The following MAN2A1 variants were observed in gnomAD, a reference collection of about 807,000 sequenced individuals.
MAN2A1 encodes the protein mannosidase alpha class 2A member 1.
In MAN2A1, 76 loss-of-function variants were observed where a neutral mutation model predicts 142.6. The ratio of observed to expected loss-of-function variants is 0.53; its 90% CI spans 0.44 to 0.65. MAN2A1 has a LOEUF of 0.65. Among genes scored for constraint, MAN2A1 ranks in the 30% least tolerant of loss-of-function variants. MAN2A1 has a pLI of 0.00. For missense variants in MAN2A1, 1,311 were observed against 1,365.1 expected (o/e 0.96, Z 0.62); for synonymous variants, 559 against 473.2 (o/e 1.18, Z -2.35).
chr5:109,777,487 T>C (rs1753326805), intron 8 of MAN2A1, among the ~76,000 whole-genome samples: 2 of 152,230 alleles, frequency 1.3e-5, no homozygotes, highest in South Asian at 4.1e-4. Flanking sequence ...ATAAAAGTTA[T>C]GCAAATGTTG....
Position 109,819,784 on chromosome 5 carries a change from A to G in MAN2A1, c.2225A>G (p.Asp742Gly). 1 of 1,610,264 alleles carries G rather than the reference A, an allele frequency of 6.2e-7. No homozygotes were observed. The highest frequency in any genetic ancestry group is 8.5e-7 in the Non-Finnish European group (1 of 1,177,286). ...GTCTTGTATAAGAATAAAGTAGAAGATAGCGGAATTTTCACCATAAAGAAT... is the reference window on the plus strand; with the variant it reads ...GTCTTGTATAAGAATAAAGTAGAAGGTAGCGGAATTTTCACCATAAAGAAT... ...DYVLYKNKVE[D>G]SGIFTIKNMI... Residue 742 changes from aspartate to glycine, a missense_variant, in exon 14 of 22, where the codon GAT (aspartate) becomes GGT (glycine). Physicochemically the swap from Asp to Gly is moderately conservative, Grantham distance 94. Around this residue, in one of 3 missense-constraint regions of MAN2A1, gnomAD observed 890 missense variants for 920.5 expected, o/e 0.97. Transcript: ENST00000261483.
chr5:109,768,217 T>C (rs1311751556), intron 6 of MAN2A1, among the ~76,000 whole-genome samples: 3 of 143,854 alleles, frequency 2.1e-5, no homozygotes, highest in African/African-American at 5.5e-5. Context: ...AAGGATATAC[T>C]TGTGCAGCTC....
At chr5:109,740,768 C>T (rs969449485) in intron 4 of MAN2A1, among the ~76,000 whole-genome samples, 6 of 152,156 alleles carry the variant, frequency 3.9e-5, no homozygotes, top group African/African-American at 1.4e-4. Flanking sequence ...ATTTTTCATG[C>T]AGGGCAGTTG....
chr5:109,723,215 G>A (rs193269897), intron 3 of MAN2A1, among the ~76,000 whole-genome samples: 20 of 152,124 alleles, frequency 1.3e-4, no homozygotes, highest in Admixed American at 1.2e-3. Context: ...ATCTTCATAT[G>A]GATTCAAAAA....
At chr5:109,775,081 A>G in intron 8 of MAN2A1, 116 bp downstream of exon 8, 1 of 663,306 alleles carries the variant, frequency 1.5e-6, no homozygotes, top group Non-Finnish European at 2.5e-6. Flanking sequence ...CTTAGAATAT[A>G]TAATTCTTGT....
At chr5:109,866,745 C>CG in intron 21 of MAN2A1, 101 bp from the exon 22 acceptor site, 1 of 677,120 alleles carries the variant, frequency 1.5e-6, no homozygotes, top group Non-Finnish European at 2.4e-6. Context: ...CTTCAACATA[C>CG]TGTTTTATTC....
intron 16 of MAN2A1, among the ~76,000 whole-genome samples, chr5:109,834,134 T>G (rs759178601): frequency 2.0e-5 from 3 of 152,122 alleles, no homozygotes; most frequent in African/African-American, 7.2e-5. Context: ...AGGAGCATGT[T>G]TGGGAAAACA....
chr5:109,735,033 T>C (rs1206447878), intron 4 of MAN2A1, among the ~76,000 whole-genome samples: 1 of 152,198 alleles, frequency 6.6e-6, no homozygotes, highest in African/African-American at 2.4e-5. Context: ...CACTCATGAC[T>C]TGCTTTGTGA....
chr5:109,698,826 T>G (rs552624906), intron 1 of MAN2A1, among the ~76,000 whole-genome samples: 2 of 152,238 alleles, frequency 1.3e-5, no homozygotes, highest in African/African-American at 4.8e-5. Context: ...TCAAATGACA[T>G]AGAAAGGTAC....
chr5:109,742,543 A>C (rs1284476636), intron 4 of MAN2A1, among the ~76,000 whole-genome samples: 1 of 152,196 alleles, frequency 6.6e-6, no homozygotes, highest in Non-Finnish European at 1.5e-5. Context: ...TTGATGTTAC[A>C]TTTTTAAATA....
In MAN2A1 at chr5:109,774,768, T is replaced by G. The variant is rs1753237198; in HGVS notation, c.1197-20T>G. Reference sequence around the variant, plus strand: ...GTCAAATTCATATTTGCTGTTTTTTTGTGTTTGTTTTTTTTGTAGGGCTCG... The same window carrying G: ...GTCAAATTCATATTTGCTGTTTTTTGGTGTTTGTTTTTTTTGTAGGGCTCG... On this transcript the variant is annotated intron_variant, in intron 7 of 21. Coordinates refer to ENST00000261483, the MANE Select transcript of MAN2A1 (RefSeq NM_002372.4). The G allele has an allele frequency of 6.3e-7, 1 of 1,587,126 alleles. No individual in the cohort carries two copies. The highest frequency in any genetic ancestry group is 1.4e-5 in the African/African-American group (1 of 72,884).
intron 1 of MAN2A1, among the ~76,000 whole-genome samples, chr5:109,694,508 G>A (rs1561463272): frequency 6.6e-6 from 1 of 152,018 alleles, no homozygotes; most frequent in African/African-American, 2.4e-5. Flanking sequence ...ACTGTGCCCA[G>A]CCAGTTTTAA....
Position 109,866,896 on chromosome 5 carries a change from T to G in MAN2A1, c.3333T>G (p.Pro1111=), listed in dbSNP as rs1315628390. ...AGTTTATTGTCGAAAGTCTCACACC[T>G]TCATCACTATCCTTGATGCATTCAC... ...LNKFIVESLT[P]SSLSLMHSPP... is the part of the protein sequence containing the mutation. The change falls in exon 22 of 22, where the codon CCT becomes CCG. Residue 1111 remains proline, a synonymous_variant. Transcript: ENST00000261483. 30 of 1,611,908 alleles carry G rather than the reference T, an allele frequency of 1.9e-5. No individual in the cohort carries two copies. The highest frequency in any genetic ancestry group is 2.5e-5 in the Non-Finnish European group (29 of 1,178,608).
intron 12 of MAN2A1, among the ~76,000 whole-genome samples, chr5:109,790,698 AG>A (rs1753716053): frequency 6.6e-6 from 1 of 152,076 alleles, no homozygotes; most frequent in African/African-American, 2.4e-5. Context: ...CTCTGGCATT[AG>A]TAAATCTATT....
chr5:109,755,077 C>T (rs568439061), intron 4 of MAN2A1, among the ~76,000 whole-genome samples: 1 of 152,220 alleles, frequency 6.6e-6, no homozygotes, highest in South Asian at 2.1e-4. Context: ...GGAGTTTATA[C>T]CCATGTGGAA....
intron 13 of MAN2A1, among the ~76,000 whole-genome samples, chr5:109,818,203 C>T (rs528857562): frequency 2.6e-5 from 4 of 152,132 alleles, no homozygotes; most frequent in South Asian, 2.1e-4. Context: ...TGCAATGGCG[C>T]GATCTCGGCG....
chr5:109,739,759 G>T (rs1752213144), intron 4 of MAN2A1, among the ~76,000 whole-genome samples: 1 of 151,802 alleles, frequency 6.6e-6, no homozygotes, highest in African/African-American at 2.4e-5. Context: ...ATTACTGGCT[G>T]ACCAGCATCC....
chr5:109,787,514 G>C (rs1291349593), intron 10 of MAN2A1, among the ~76,000 whole-genome samples: 2 of 151,974 alleles, frequency 1.3e-5, no homozygotes, highest in African/African-American at 4.8e-5. Flanking sequence ...GTTTCATTTT[G>C]TTTTGTTTTA....
At chr5:109,748,281 G>C (rs1049721672) in intron 4 of MAN2A1, among the ~76,000 whole-genome samples, 6 of 152,066 alleles carry the variant, frequency 3.9e-5, no homozygotes, top group African/African-American at 1.2e-4. Context: ...CTTCTTATCT[G>C]ATAGGTGAAA....
Sources: gnomAD v4.1 joint callset for allele counts (sites outside exome capture counted in the v4.1 genomes callset) on GRCh38, gnomAD v4.1.1 for gene constraint, gnomAD v4.1.1 regional missense constraint, MANE v1.5 for transcripts, NCBI Gene and HGNC (gene_info 2026-07-23, HGNC 2026-07-21) for gene names.